Variants in ARMC9 observed in about 807,000 individuals in gnomAD.
ARMC9 encodes lisH domain-containing protein ARMC9.
In ARMC9, 94 loss-of-function variants were observed where a neutral mutation model predicts 107.0. The ratio of observed to expected loss-of-function variants is 0.88; its 90% CI spans 0.74 to 1.04. The LOEUF is 1.04. Among genes scored for constraint, ARMC9 ranks in the 50% least tolerant of loss-of-function variants. The pLI, the probability that ARMC9 is intolerant of heterozygous loss-of-function variation, is 0.00. For missense variants in ARMC9, 942 were observed against 1,030.1 expected, an observed-to-expected ratio of 0.91 and a Z score of 1.17; for synonymous variants, 380 against 396.9, an observed-to-expected ratio of 0.96 and a Z score of 0.51.
rs545090777 is a variant in ARMC9, at chr2:231,247,258, T to C, written c.879+7217T>C. 2.0e-5 allele frequency among the ~76,000 whole-genome samples: 3 copies of C among 152,318 alleles called. No individual in the cohort carries two copies. The South Asian group carries it at 6.2e-4, about 32-fold the overall frequency. On this transcript the variant is annotated intron_variant, in intron 9 of 24. Transcript: ENST00000611582. ...GCGTGAGCCAACATGCCCAACCTTTTGATTTTAATTTGCATTAAAATGGTT... is the reference window on the plus strand; with the variant it reads ...GCGTGAGCCAACATGCCCAACCTTTCGATTTTAATTTGCATTAAAATGGTT...
intron 5 of ARMC9, among the ~76,000 whole-genome samples, chr2:231,221,857 T>A (rs2034169630): frequency 1.4e-5 from 2 of 144,792 alleles, no homozygotes; most frequent in African/African-American, 5.2e-5. Flanking sequence ...AAGAACTTTC[T>A]GCTCATCTGG....
intron 9 of ARMC9, among the ~76,000 whole-genome samples, chr2:231,247,759 C>G (rs567887802): frequency 6.6e-6 from 1 of 152,074 alleles, no homozygotes; most frequent in African/African-American, 2.4e-5. Flanking sequence ...GACAAAACCC[C>G]GTCTCTACTA....
intron 12 of ARMC9, among the ~76,000 whole-genome samples, chr2:231,265,187 C>T (rs542860015): frequency 6.6e-6 from 1 of 152,060 alleles, no homozygotes; most frequent in Non-Finnish European, 1.5e-5. Flanking sequence ...CTATGGAAAA[C>T]AGTACGGAGA....
At chr2:231,220,109 A>G (rs980977953) in intron 5 of ARMC9, among the ~76,000 whole-genome samples, 1 of 151,970 alleles carries the variant, frequency 6.6e-6, no homozygotes, top group Non-Finnish European at 1.5e-5. Flanking sequence ...ATTCTGGGTG[A>G]TCTCTTCACA....
At chr2:231,245,346 G>C (rs949519313) in intron 9 of ARMC9, among the ~76,000 whole-genome samples, 5 of 152,174 alleles carry the variant, frequency 3.3e-5, no homozygotes, top group African/African-American at 1.2e-4. Context: ...CAAGTCACGC[G>C]GGTGTGTTCG....
chr2:231,357,200 A>G (rs1301353024), intron 22 of ARMC9, among the ~76,000 whole-genome samples: 1 of 152,206 alleles, frequency 6.6e-6, no homozygotes, highest in Non-Finnish European at 1.5e-5. Context: ...GGGTTCTTGC[A>G]TGAACAGGGT....
At chr2:231,356,231 G>A (rs1165548925) in intron 22 of ARMC9, among the ~76,000 whole-genome samples, 2 of 152,110 alleles carry the variant, frequency 1.3e-5, no homozygotes, top group African/African-American at 4.8e-5. Context: ...GAGGAATGCC[G>A]GGCTGATGTT....
At chr2:231,267,256 A>G (rs994386974) in intron 12 of ARMC9, among the ~76,000 whole-genome samples, 1 of 152,036 alleles carries the variant, frequency 6.6e-6, no homozygotes, top group Non-Finnish European at 1.5e-5. Flanking sequence ...TTTTTGAGAC[A>G]GTCTCGCTCT....
intron 1 of ARMC9, 47 bp from the exon 2 acceptor site, chr2:231,206,151 A>T: frequency 1.7e-6 from 2 of 1,178,152 alleles, no homozygotes; most frequent in Non-Finnish European, 2.5e-6. Context: ...TTGTAGTTTC[A>T]TAGGTGGTTG....
At position 231,213,147 on chromosome 2, in the gene ARMC9, A is replaced by G. The variant is rs551664573; in HGVS notation, c.178-1684A>G. On this transcript the variant is annotated intron_variant, in intron 3 of 24. Transcript: ENST00000611582. ...AAAATGACAATTATGCAGGAAAATT[A>G]TCTGTAAACGTTTTTTCTTTTTTTT... Among the ~76,000 whole-genome samples the G allele has an allele frequency of 2.0e-5, 3 of 150,648 alleles. No individual in the cohort carries two copies. The South Asian group carries it at 6.3e-4, about 32-fold the overall frequency.
intron 22 of ARMC9, among the ~76,000 whole-genome samples, chr2:231,357,911 T>A (rs150786697): frequency 1.1e-4 from 16 of 152,282 alleles, no homozygotes; most frequent in Non-Finnish European, 1.8e-4. Context: ...GACAAAAAGT[T>A]CTTCCTTTGG....
intron 19 of ARMC9, among the ~76,000 whole-genome samples, chr2:231,315,517 C>T (rs2125522875): frequency 6.6e-6 from 1 of 152,060 alleles, no homozygotes; most frequent in East Asian, 1.9e-4. Context: ...CCAGCCTGGG[C>T]AACAGAGCAA....
chr2:231,304,902 C>G (rs1379675427), intron 19 of ARMC9, among the ~76,000 whole-genome samples: 1 of 152,154 alleles, frequency 6.6e-6, no homozygotes, highest in Non-Finnish European at 1.5e-5. Flanking sequence ...GTGACAGGCT[C>G]ACTTCATTAA....
At position 231,231,889 on chromosome 2, in the gene ARMC9, G is replaced by A. The variant is rs898477074; in HGVS notation, c.623-3335G>A. Among the ~76,000 whole-genome samples, 9 of 150,984 alleles carry A rather than the reference G, an allele frequency of 6.0e-5. No individual in the cohort carries two copies. In the South Asian group the frequency reaches 1.7e-3, roughly 28 times the overall value. The stretch of plus-strand genomic sequence containing the variant: ...TGTTTAGTAGAGACGGGGTTTCCCC[G>A]TGTTGGCCAGGCTTGTGTCGAACTC... On this transcript the variant is annotated intron_variant, in intron 7 of 24. Transcript: ENST00000611582.
At chr2:231,224,512 G>C (rs2034460284) in intron 6 of ARMC9, among the ~76,000 whole-genome samples, 1 of 152,190 alleles carries the variant, frequency 6.6e-6, no homozygotes, top group Non-Finnish European at 1.5e-5. Flanking sequence ...TATGAAGATT[G>C]AGTTAATACA....
rs1307024272 is a variant in ARMC9, at chr2:231,337,297, T to A, written c.1878+5400T>A. On this transcript the variant is annotated intron_variant, in intron 20 of 24. Coordinates refer to ENST00000611582, the MANE Select transcript of ARMC9 (RefSeq NM_001352754.2). ...ATATATATATATATATATATTTTTT[T>A]TTTTTTTTTTTTTTTTTTGAGACAG... 1.6e-3 allele frequency among the ~76,000 whole-genome samples: 179 copies of A among 108,520 alleles called. 1 individual carries two copies. The highest frequency in any genetic ancestry group is 7.2e-3 in the African/African-American group (175 of 24,340). 71.2% of individuals were successfully genotyped at this position (108,520 alleles called of 152,430 possible). A position where few individuals can be genotyped will look rare whatever the true frequency, so the allele number is the denominator to read the frequency against.
At chr2:231,340,439 A>T (rs1035716052) in intron 20 of ARMC9, among the ~76,000 whole-genome samples, 2 of 152,190 alleles carry the variant, frequency 1.3e-5, no homozygotes, top group African/African-American at 4.8e-5. Flanking sequence ...CCTTAACTGT[A>T]ACTGGGGGCA....
rs2045643610 is a variant in ARMC9, at chr2:231,362,759, A to C, written c.2261+1876A>C. ...AGATATATATATACCTCATATGTATATGGTATACCTCATCTAGAATGCTGT... is the reference window on the plus strand; with the variant it reads ...AGATATATATATACCTCATATGTATCTGGTATACCTCATCTAGAATGCTGT... On this transcript the variant is annotated intron_variant, in intron 23 of 24. Coordinates refer to ENST00000611582, the MANE Select transcript of ARMC9 (RefSeq NM_001352754.2). This position sits in a 1 kb window ranked among gnomAD's most constrained non-coding sequence, Gnocchi z 4.7. 1 of 153,014 alleles carries C rather than the reference A, an allele frequency of 6.5e-6. No individual in the cohort carries two copies. The allele number at this position is 153,014 out of a possible 1,614,324, so 9.5% of individuals were successfully genotyped here. A position where few individuals can be genotyped will look rare whatever the true frequency, so the allele number is the denominator to read the frequency against.
At chr2:231,333,869 C>G (rs985899187) in intron 20 of ARMC9, among the ~76,000 whole-genome samples, 1 of 152,226 alleles carries the variant, frequency 6.6e-6, no homozygotes, top group Non-Finnish European at 1.5e-5. Flanking sequence ...TCTAGAGGAC[C>G]TCTCCCCGGC....
Sources: allele counts gnomAD v4.1 joint callset (sites outside exome capture counted in the v4.1 genomes callset), GRCh38; gene constraint gnomAD v4.1.1; non-coding constraint Gnocchi (gnomAD v3.1); transcripts MANE v1.5; gene names NCBI Gene and HGNC (gene_info 2026-07-23, HGNC 2026-07-21).